Variants in REDIC1 observed in about 807,000 individuals in gnomAD.
REDIC1 encodes HEI10 Interacting Protein 1.
the REDIC1 span, among the ~76,000 whole-genome samples, chr12:39,907,114 G>A: frequency 2.0e-5 from 3 of 151,992 alleles, no homozygotes; most frequent in Non-Finnish European, 4.4e-5. Context: ...TTAATTAGTT[G>A]TAGTTACTAC....
chr12:39,703,607 A>G, the REDIC1 span, among the ~76,000 whole-genome samples: 124 of 152,330 alleles, frequency 8.1e-4, 1 homozygote, highest in East Asian at 0.014. Flanking sequence ...ACCAAAAAAG[A>G]TCCCTCATTG....
At chr12:39,663,855 C>A in the REDIC1 span, among the ~76,000 whole-genome samples, 11 of 151,928 alleles carry the variant, frequency 7.2e-5, no homozygotes, top group Admixed American at 2.0e-4. Context: ...GGTGATGAAT[C>A]TCCTGCTTTC....
chr12:39,656,140 A>G, the REDIC1 span, among the ~76,000 whole-genome samples: 4 of 152,180 alleles, frequency 2.6e-5, no homozygotes, highest in East Asian at 5.8e-4. Flanking sequence ...ATTATTTTGT[A>G]GGTTTCTTTT....
chr12:39,873,559 C>G, the REDIC1 span, among the ~76,000 whole-genome samples: 1 of 152,122 alleles, frequency 6.6e-6, no homozygotes, highest in Admixed American at 6.5e-5. Context: ...ATGTGTCATG[C>G]TACTAAGTTT....
the REDIC1 span, among the ~76,000 whole-genome samples, chr12:39,743,111 T>G: frequency 1.8e-3 from 273 of 152,246 alleles, no homozygotes; most frequent in African/African-American, 6.3e-3. Flanking sequence ...AATTAACCAT[T>G]TTGAAATATG....
the REDIC1 span, among the ~76,000 whole-genome samples, chr12:39,777,776 C>G: frequency 6.6e-6 from 1 of 152,196 alleles, no homozygotes; most frequent in Admixed American, 6.5e-5. Context: ...TGGAGTTTGG[C>G]TGGGGCAGTC....
At chr12:39,738,408 TAAC>T in the REDIC1 span, among the ~76,000 whole-genome samples, 129 of 152,214 alleles carry the variant, frequency 8.5e-4, 1 homozygote, top group Non-Finnish European at 3.1e-4. Flanking sequence ...TGAGAGAAGT[TAAC>T]AAGGTAAACC....
At chr12:39,899,396 G>A in the REDIC1 span, among the ~76,000 whole-genome samples, 15 of 151,920 alleles carry the variant, frequency 9.9e-5, no homozygotes, top group South Asian at 2.1e-4. Context: ...TCTTGCTAGC[G>A]GTCTATCAAT....
chr12:39,680,414 A>T, the REDIC1 span, among the ~76,000 whole-genome samples: 1 of 152,206 alleles, frequency 6.6e-6, no homozygotes, highest in Admixed American at 6.5e-5. Context: ...TGCAAATCAA[A>T]ACCACAATGC....
the REDIC1 span, among the ~76,000 whole-genome samples, chr12:39,656,256 G>A: frequency 8.5e-5 from 13 of 152,294 alleles, no homozygotes; most frequent in Admixed American, 8.5e-4. Context: ...TGTATAGAAA[G>A]CATATACAGT....
At chr12:39,671,092 C>T in the REDIC1 span, among the ~76,000 whole-genome samples, 2 of 152,024 alleles carry the variant, frequency 1.3e-5, no homozygotes, top group African/African-American at 4.8e-5. Flanking sequence ...TTGAAGGTGC[C>T]ATATTTCCTT....
chr12:39,783,912 G>C, the REDIC1 span, among the ~76,000 whole-genome samples: 2 of 152,128 alleles, frequency 1.3e-5, no homozygotes, highest in African/African-American at 4.8e-5. Flanking sequence ...AAAATCACAA[G>C]CATTCCTGTA....
the REDIC1 span, among the ~76,000 whole-genome samples, chr12:39,689,486 T>TA: frequency 3.9e-5 from 6 of 152,296 alleles, no homozygotes; most frequent in Non-Finnish European, 2.9e-5. Flanking sequence ...TAGTAGGCAA[T>TA]TATATATACA....
chr12:39,741,053 G>A, the REDIC1 span, among the ~76,000 whole-genome samples: 5 of 151,988 alleles, frequency 3.3e-5, no homozygotes, highest in Non-Finnish European at 7.4e-5. Context: ...TGCAACCTCC[G>A]CCTCCTGGGT....
the REDIC1 span, among the ~76,000 whole-genome samples, chr12:39,868,897 A>G: frequency 3.3e-5 from 5 of 152,302 alleles, no homozygotes; most frequent in Admixed American, 1.3e-4. Context: ...CCAGGCTTAC[A>G]TATTTTTTAT....
the REDIC1 span, among the ~76,000 whole-genome samples, chr12:39,749,119 A>G: frequency 1.4e-4 from 21 of 152,230 alleles, no homozygotes; most frequent in East Asian, 1.9e-4. Flanking sequence ...CAAAAAATCA[A>G]TGAATCCAGG....
At chr12:39,795,387 CTTA>C in the REDIC1 span, among the ~76,000 whole-genome samples, 1 of 151,954 alleles carries the variant, frequency 6.6e-6, no homozygotes, top group Non-Finnish European at 1.5e-5. Context: ...TATAAATCTG[CTTA>C]TTGTCTGCTC....
chr12:39,904,472 A>T, the REDIC1 span, among the ~76,000 whole-genome samples: 1 of 152,146 alleles, frequency 6.6e-6, no homozygotes, highest in African/African-American at 2.4e-5. Flanking sequence ...TGCCATGTTA[A>T]CTGTTTTCTG....
chr12:39,711,227 C>T, the REDIC1 span, among the ~76,000 whole-genome samples: 8 of 149,390 alleles, frequency 5.4e-5, no homozygotes, highest in Admixed American at 5.4e-4. Flanking sequence ...TTTTAATCTA[C>T]CATATATATA....
Sources: allele counts gnomAD v4.1 joint callset (sites outside exome capture counted in the v4.1 genomes callset), GRCh38; gene constraint gnomAD v4.1.1; transcripts MANE v1.5; gene names NCBI Gene and HGNC (gene_info 2026-07-23, HGNC 2026-07-21).